Variants in RINT1 observed in about 807,000 individuals in gnomAD.
RINT1 encodes RAD50 interactor 1.
RINT1 carries 75 observed loss-of-function variants against 97.7 expected under a neutral mutation model. The ratio of observed to expected loss-of-function variants is 0.77; its 90% CI spans 0.64 to 0.93. The LOEUF is 0.93. RINT1 is among the 40% of genes least tolerant of loss of function. The pLI is 0.00. For synonymous variants in RINT1, 303 were observed against 326.3 expected (o/e 0.93, Z 0.77); for missense variants, 892 against 925.2 (o/e 0.96, Z 0.47).
chr7:105,565,489 A>C (rs1791678145), intron 13 of RINT1, 32 bp downstream of exon 13: 1 of 1,610,802 alleles, frequency 6.2e-7, no homozygotes, highest in Non-Finnish European at 8.5e-7. Context: ...TTGGGCTGTG[A>C]TAATAAAGAC....
intron 11 of RINT1, among the ~76,000 whole-genome samples, chr7:105,561,606 G>A (rs898431931): frequency 1.2e-4 from 19 of 152,164 alleles, no homozygotes; most frequent in African/African-American, 4.6e-4. Context: ...TTGTCGCCCA[G>A]GCTAGGGTGC....
rs1586252941 is a variant in RINT1 at position 105,556,533 on chromosome 7, A to G, written c.1671+1306A>G. On this transcript the variant is annotated intron_variant, in intron 11 of 14. Coordinates refer to ENST00000257700, the MANE Select transcript of RINT1 (RefSeq NM_021930.6). Reference sequence around the variant, plus strand: ...AAGGTAAGAACTCTTTTAAAAAAAAACAGCACTATGATTGTATCTGAAAAA... The same window carrying G: ...AAGGTAAGAACTCTTTTAAAAAAAAGCAGCACTATGATTGTATCTGAAAAA... Among the ~76,000 whole-genome samples, 4 of 152,168 alleles carry G rather than the reference A, an allele frequency of 2.6e-5. No homozygotes were observed. The East Asian group carries it at 7.7e-4, about 29-fold the overall frequency.
chr7:105,555,270 G>T, intron 11 of RINT1, 43 bp downstream of exon 11: 1 of 1,481,644 alleles, frequency 6.7e-7, no homozygotes. Flanking sequence ...ATACTAGTTC[G>T]AACTATTTTA....
intron 3 of RINT1, among the ~76,000 whole-genome samples, chr7:105,539,500 A>C (rs1435837657): frequency 1.3e-5 from 2 of 151,822 alleles, no homozygotes; most frequent in African/African-American, 4.8e-5. Context: ...AGCTGGGATT[A>C]TAGGCATGTG....
At chr7:105,560,958 T>A (rs1338516854) in intron 11 of RINT1, among the ~76,000 whole-genome samples, 1 of 152,076 alleles carries the variant, frequency 6.6e-6, no homozygotes, top group Non-Finnish European at 1.5e-5. Flanking sequence ...AGACCTCAAG[T>A]GATCCGCCGC....
chr7:105,554,927 G>A, intron 10 of RINT1, 101 bp from the exon 11 acceptor site: 1 of 867,758 alleles, frequency 1.2e-6, no homozygotes, highest in South Asian at 1.7e-5. Context: ...CTGGTCAATT[G>A]ATTTTTGACA....
At position 105,532,298 on chromosome 7, in the gene RINT1, G is replaced by T; in HGVS notation, c.-18G>T. 6.4e-7 allele frequency: 1 copy of T among 1,574,070 alleles called. No individual in the cohort carries two copies. Among genetic ancestry groups the T allele is most frequent in the Non-Finnish European group, 8.6e-7 (1 of 1,163,676 alleles). ...CACGCTGGCTGCGAATGGAGCCGAG[G>T]ACTCGCGCGGAGGCGAGATGCTACC... On this transcript the variant is annotated 5_prime_UTR_variant, in exon 1 of 15. Coordinates refer to ENST00000257700, the MANE Select transcript of RINT1 (RefSeq NM_021930.6).
intron 11 of RINT1, among the ~76,000 whole-genome samples, chr7:105,561,886 A>T (rs1791455807): frequency 1.3e-5 from 2 of 152,066 alleles, no homozygotes; most frequent in South Asian, 4.1e-4. Context: ...TTTTAAGTTC[A>T]TGATTACCGT....
intron 11 of RINT1, among the ~76,000 whole-genome samples, chr7:105,556,956 A>G (rs1433800225): frequency 6.6e-6 from 1 of 152,150 alleles, no homozygotes; most frequent in Non-Finnish European, 1.5e-5. Flanking sequence ...CCCTTCTTGA[A>G]CAGGGTGCCC....
chr7:105,546,710 C>T (rs1322005084), intron 4 of RINT1, among the ~76,000 whole-genome samples, 200 bp from the exon 5 acceptor site: 1 of 152,066 alleles, frequency 6.6e-6, no homozygotes, highest in Non-Finnish European at 1.5e-5. Flanking sequence ...CCTGTCTCTA[C>T]TAAAAATACA....
At chr7:105,564,580 T>G (rs1791604872) in intron 12 of RINT1, among the ~76,000 whole-genome samples, 1 of 152,220 alleles carries the variant, frequency 6.6e-6, no homozygotes, top group African/African-American at 2.4e-5. Context: ...GTTACTTTCA[T>G]CCTTGATAGC....
At chr7:105,554,114 G>A (rs1791066172) in intron 10 of RINT1, among the ~76,000 whole-genome samples, 1 of 151,572 alleles carries the variant, frequency 6.6e-6, no homozygotes, top group Admixed American at 6.6e-5. Flanking sequence ...TAGCCAGGAT[G>A]GTATTGATCT....
chr7:105,550,515 G>A (rs1354144774), intron 9 of RINT1, 29 bp downstream of exon 9: 2 of 1,483,444 alleles, frequency 1.3e-6, no homozygotes, highest in Non-Finnish European at 1.9e-6. Flanking sequence ...AGATGGTAGG[G>A]AGATATGTCT....
chr7:105,548,415 A>T, intron 6 of RINT1, 139 bp from the exon 7 acceptor site: 2 of 695,846 alleles, frequency 2.9e-6, no homozygotes, highest in Non-Finnish European at 5.0e-6. Flanking sequence ...AAATTAGGTT[A>T]CATATTATTT....
chr7:105,539,589 A>G (rs192596400), intron 3 of RINT1, among the ~76,000 whole-genome samples: 74 of 150,758 alleles, frequency 4.9e-4, no homozygotes, highest in African/African-American at 1.7e-3. Context: ...CAAACTCCCA[A>G]CCTCAGGTGA....
At chr7:105,563,689 TA>T (rs141382811) in intron 11 of RINT1, 43 bp from the exon 12 acceptor site, 940 of 1,467,970 alleles carry the variant, frequency 6.4e-4, no homozygotes, top group Non-Finnish European at 7.4e-4. Context: ...TTCAAACTGT[TA>T]AAAAAAAAGT....
rs1005178047 is a variant in RINT1, at chr7:105,537,322, G to T, written c.273+573G>T. On this transcript the variant is annotated intron_variant, in intron 3 of 14. Coordinates refer to ENST00000257700, the MANE Select transcript of RINT1 (RefSeq NM_021930.6). The stretch of plus-strand genomic sequence containing the variant: ...ATTTTGTATTTTAGGTAGAGATGGG[G>T]TTTCATCATGTTGGCAAGGCTGGTC... 8.6e-5 allele frequency among the ~76,000 whole-genome samples: 13 copies of T among 151,440 alleles called. No homozygotes were observed. The East Asian group carries it at 2.4e-3, about 27-fold the overall frequency.
At position 105,548,679 on chromosome 7, in the gene RINT1, G is replaced by T. The variant is rs755913207; in HGVS notation, c.965G>T (p.Arg322Ile). The stretch of plus-strand genomic sequence containing the variant: ...CAGAAGAGGTTCAGGTATCACTTCA[G>T]AGGGAACCGGCAGACTAATGTGTTA... ...PLQKRFRYHF[R>I]GNRQTNVLSK... Residue 322 changes from arginine to isoleucine, a missense_variant, in exon 7 of 15, where the codon AGA (arginine) becomes ATA (isoleucine). Coordinates refer to ENST00000257700, the MANE Select transcript of RINT1 (RefSeq NM_021930.6). 5 of 1,613,948 alleles carry T rather than the reference G, an allele frequency of 3.1e-6. No individual in the cohort carries two copies. Among genetic ancestry groups the T allele is most frequent in the Non-Finnish European group, 4.2e-6 (5 of 1,179,946 alleles).
chr7:105,545,532 T>TATA (rs1562845933), intron 4 of RINT1, among the ~76,000 whole-genome samples: 196 of 113,742 alleles, frequency 1.7e-3, no homozygotes, highest in African/African-American at 5.6e-3. Context: ...ATATATATAT[T>TATA]TTTTTTTTTT....
Sources: gnomAD v4.1 joint callset for allele counts (sites outside exome capture counted in the v4.1 genomes callset) on GRCh38, gnomAD v4.1.1 for gene constraint, MANE v1.5 for transcripts, NCBI Gene and HGNC (gene_info 2026-07-23, HGNC 2026-07-21) for gene names.